Variants in STPG4 observed in about 807,000 individuals in gnomAD.
STPG4 encodes sperm-tail PG-rich repeat containing 4.
Under a neutral mutation model 31.5 loss-of-function variants are expected in STPG4, and 41 were observed. That is an observed-to-expected ratio of 1.30 (90% confidence interval 1.01 to 1.69). The LOEUF (loss-of-function observed/expected upper bound fraction) is 1.69, where lower values mean the gene tolerates loss of function less well. STPG4 is among the 40% of genes most tolerant of loss of function. The probability of loss-of-function intolerance (pLI) is 0.00; values close to 1 mark genes in which losing one functional copy is unlikely to be tolerated. For synonymous variants in STPG4, 141 were observed against 103.0 expected, an observed-to-expected ratio of 1.37 and a Z score of -2.24; for missense variants, 375 against 293.4, an observed-to-expected ratio of 1.28 and a Z score of -2.03.
chr2:47,147,331 G>A (rs1686843959), intron 3 of STPG4, among the ~76,000 whole-genome samples: 1 of 152,182 alleles, frequency 6.6e-6, no homozygotes, highest in Non-Finnish European at 1.5e-5. Flanking sequence ...AAGATGAGCA[G>A]TTAGGGGCAA....
chr2:47,099,548 T>C (rs1374540728), intron 5 of STPG4, among the ~76,000 whole-genome samples: 1 of 152,214 alleles, frequency 6.6e-6, no homozygotes, highest in African/African-American at 2.4e-5. Flanking sequence ...TCTTTCTATT[T>C]TTGAGAGGTG....
intron 5 of STPG4, among the ~76,000 whole-genome samples, chr2:47,105,719 C>G (rs927395417): frequency 2.0e-5 from 3 of 152,018 alleles, no homozygotes; most frequent in African/African-American, 7.3e-5. Flanking sequence ...CCTCTTCCCC[C>G]AGGGACCAGT....
intron 5 of STPG4, among the ~76,000 whole-genome samples, chr2:47,116,525 G>A (rs915462044): frequency 1.3e-5 from 2 of 152,156 alleles, no homozygotes; most frequent in African/African-American, 4.8e-5. Flanking sequence ...TTACGGAATT[G>A]TCTTAAGGCT....
intron 5 of STPG4, 82 bp from the exon 6 acceptor site, chr2:47,090,456 C>T: frequency 2.3e-6 from 2 of 879,134 alleles, no homozygotes; most frequent in Admixed American, 4.4e-5. Flanking sequence ...TACAAATAAA[C>T]ATATGAATCA....
At chr2:47,129,742 C>T (rs1686435403) in intron 5 of STPG4, 199 bp downstream of exon 5, 1 of 583,250 alleles carries the variant, frequency 1.7e-6, no homozygotes, top group Admixed American at 3.6e-5. Flanking sequence ...ATGTTAAAAC[C>T]TGGTATTGCG....
At chr2:47,154,942 A>G (rs1686998968) in intron 1 of STPG4, among the ~76,000 whole-genome samples, 1 of 152,174 alleles carries the variant, frequency 6.6e-6, no homozygotes, top group Non-Finnish European at 1.5e-5. Flanking sequence ...AGGGCGAAGG[A>G]GAAGGAAAAG....
At chr2:47,113,368 G>A (rs755555888) in intron 5 of STPG4, among the ~76,000 whole-genome samples, 1 of 152,014 alleles carries the variant, frequency 6.6e-6, no homozygotes, top group Non-Finnish European at 1.5e-5. Flanking sequence ...CAAATCAACA[G>A]AAAAGAATAC....
chr2:47,095,878 G>A (rs1452958903), intron 5 of STPG4, among the ~76,000 whole-genome samples: 2 of 152,082 alleles, frequency 1.3e-5, no homozygotes, highest in Non-Finnish European at 1.5e-5. Context: ...TTCAGGAGAG[G>A]GCATATTGTG....
intron 5 of STPG4, among the ~76,000 whole-genome samples, chr2:47,127,562 C>T (rs1686390805): frequency 6.6e-6 from 1 of 152,176 alleles, no homozygotes; most frequent in South Asian, 2.1e-4. Flanking sequence ...AGCCACTGCA[C>T]CCCATCCAAG....
intron 3 of STPG4, among the ~76,000 whole-genome samples, chr2:47,131,191 A>T (rs928866659): frequency 2.0e-5 from 3 of 151,946 alleles, no homozygotes; most frequent in Non-Finnish European, 4.4e-5. Context: ...CAGTGGCGTG[A>T]TCACAGCTCA....
chr2:47,141,466 T>G (rs1318418433), intron 3 of STPG4, among the ~76,000 whole-genome samples: 1 of 152,102 alleles, frequency 6.6e-6, no homozygotes, highest in Non-Finnish European at 1.5e-5. Flanking sequence ...TATCCAGCTT[T>G]CAAACTTCAC....
chr2:47,140,010 G>T (rs1460600382), intron 3 of STPG4, among the ~76,000 whole-genome samples: 1 of 152,046 alleles, frequency 6.6e-6, no homozygotes, highest in East Asian at 1.9e-4. Flanking sequence ...TCCTGACCCT[G>T]TGATCCGCCC....
At chr2:47,116,324 A>C (rs889791587) in intron 5 of STPG4, among the ~76,000 whole-genome samples, 3 of 152,222 alleles carry the variant, frequency 2.0e-5, no homozygotes, top group African/African-American at 7.2e-5. Flanking sequence ...TATCCCACAT[A>C]AACAGGAGCT....
chr2:47,116,690 G>A (rs1558678395), intron 5 of STPG4, among the ~76,000 whole-genome samples: 2 of 152,138 alleles, frequency 1.3e-5, no homozygotes, highest in South Asian at 2.1e-4. Context: ...CTGGGAGCAT[G>A]GCGGAGAAGG....
At chr2:47,115,722 G>A (rs974359685) in intron 5 of STPG4, among the ~76,000 whole-genome samples, 8 of 138,386 alleles carry the variant, frequency 5.8e-5, no homozygotes, top group Admixed American at 1.7e-4. Flanking sequence ...ACGCGATCTC[G>A]GCTCACTGCA....
chr2:47,090,365 G>T lies in STPG4; in HGVS notation c.529C>A (p.Pro177Thr), dbSNP rs1406797499. The T allele has an allele frequency of 6.5e-7, 1 of 1,549,842 alleles. No homozygotes were observed. Among genetic ancestry groups the T allele is most frequent in the Non-Finnish European group, 8.7e-7 (1 of 1,145,224 alleles). Residue 177 changes from proline (P) to threonine (T), a missense_variant, in exon 6 of 7, where the codon CCT becomes ACT. Physicochemically the swap from Pro to Thr is conservative, Grantham distance 38 (BLOSUM62 -1). Coordinates refer to ENST00000445927, the MANE Select transcript of STPG4 (RefSeq NM_001163561.2). ...PTTYFIPHEG[P>T]GPGHYNVKMP... ...TTCACATTATAATGACCTGGACCAG[G>T]GCCTTCATGCTATTGAACATTTAAA...
intron 5 of STPG4, chr2:47,129,198 G>C (rs1298043393): frequency 6.6e-6 from 1 of 152,244 alleles, no homozygotes; most frequent in Non-Finnish European, 1.5e-5. Context: ...CTCCTCTCAA[G>C]CAAAAGGAAG....
intron 2 of STPG4, 51 bp from the exon 3 acceptor site, chr2:47,151,566 C>T: frequency 6.6e-7 from 1 of 1,512,218 alleles, no homozygotes; most frequent in Admixed American, 1.8e-5. Context: ...GTAACTTCTC[C>T]TAAAACACCA....
intron 5 of STPG4, among the ~76,000 whole-genome samples, chr2:47,097,157 C>A (rs1029068462): frequency 7.9e-5 from 12 of 152,094 alleles, no homozygotes; most frequent in African/African-American, 2.9e-4. Flanking sequence ...TACTATGTTA[C>A]AAAATTTAAT....
Sources: gnomAD v4.1 joint callset for allele counts (sites outside exome capture counted in the v4.1 genomes callset) on GRCh38, gnomAD v4.1.1 for gene constraint, MANE v1.5 for transcripts, NCBI Gene and HGNC (gene_info 2026-07-23, HGNC 2026-07-21) for gene names.